PIK3R3: variants seen among roughly 807,000 people sequenced by gnomAD.
The protein encoded by PIK3R3 is phosphatidylinositol 3-kinase regulatory subunit gamma.
Under a neutral mutation model 62.9 loss-of-function variants are expected in PIK3R3, and 64 were observed. The ratio of observed to expected loss-of-function variants is 1.02; its 90% confidence interval spans 0.83 to 1.25. The LOEUF (loss-of-function observed/expected upper bound fraction) is 1.25. Ranked by LOEUF, PIK3R3 falls within the 50% of genes most tolerant of loss-of-function variation. The probability of loss-of-function intolerance (pLI) is 0.00; values close to 1 mark genes in which losing one functional copy is unlikely to be tolerated. For synonymous variants in PIK3R3, 165 were observed against 189.0 expected (o/e 0.87, Z 1.04); for missense variants, 614 against 561.6 (o/e 1.09, Z -0.94).
chr1:46,052,094 C>A (rs931309640), intron 7 of PIK3R3, among the ~76,000 whole-genome samples: 1 of 151,658 alleles, frequency 6.6e-6, no homozygotes, highest in African/African-American at 2.4e-5. Context: ...GCTGAGATCG[C>A]GCCACTGCAC....
chr1:46,164,483 T>C, the PIK3R3 span, among the ~76,000 whole-genome samples: 1 of 152,140 alleles, frequency 6.6e-6, no homozygotes, highest in African/African-American at 2.4e-5. Context: ...GCTTATCTCC[T>C]GCTTCTGCTG....
At chr1:46,051,946 G>T (rs936229566) in intron 7 of PIK3R3, among the ~76,000 whole-genome samples, 1 of 152,010 alleles carries the variant, frequency 6.6e-6, no homozygotes, top group Non-Finnish European at 1.5e-5. Context: ...GACCATCCTG[G>T]CTAACACAGT....
At chr1:46,106,603 T>C (rs1333337010) in intron 1 of PIK3R3, among the ~76,000 whole-genome samples, 2 of 152,214 alleles carry the variant, frequency 1.3e-5, no homozygotes, top group Non-Finnish European at 1.5e-5. Flanking sequence ...AGATACATTA[T>C]ATTTACACTT....
chr1:46,158,725 G>A, the PIK3R3 span, among the ~76,000 whole-genome samples: 4 of 152,304 alleles, frequency 2.6e-5, no homozygotes, highest in African/African-American at 9.6e-5. Flanking sequence ...CTGGGATGGA[G>A]GGAGAATCAC....
the PIK3R3 span, among the ~76,000 whole-genome samples, chr1:46,146,147 T>C: frequency 2.0e-5 from 3 of 152,206 alleles, no homozygotes; most frequent in Non-Finnish European, 4.4e-5. Flanking sequence ...TTCTGTTACT[T>C]GCAGCCCAAG....
At chr1:46,095,771 T>A (rs1652066537) in intron 1 of PIK3R3, among the ~76,000 whole-genome samples, 2 of 152,218 alleles carry the variant, frequency 1.3e-5, no homozygotes, top group South Asian at 4.1e-4. Context: ...TCCCTCTATA[T>A]CTCTTTCCAA....
intron 1 of PIK3R3, among the ~76,000 whole-genome samples, chr1:46,083,832 G>A (rs1215746035): frequency 1.3e-5 from 2 of 152,156 alleles, no homozygotes; most frequent in Non-Finnish European, 2.9e-5. Context: ...ACTGCTGGTG[G>A]GAATGTAAAA....
the PIK3R3 span, among the ~76,000 whole-genome samples, chr1:46,148,097 A>G: frequency 6.6e-6 from 1 of 152,168 alleles, no homozygotes; most frequent in Non-Finnish European, 1.5e-5. Flanking sequence ...CAGTGTTAAT[A>G]ATGGAGGTCT....
rs758443865 is a variant in PIK3R3, at chr1:46,043,727, G to A, written c.1332C>T (p.Leu444=). The A allele has an allele frequency of 1.2e-6, 2 of 1,614,106 alleles. No individual in the cohort carries two copies. Among genetic ancestry groups the A allele is most frequent in the Non-Finnish European group, 1.7e-6 (2 of 1,180,042 alleles). Residue 444 remains leucine, a synonymous_variant, in exon 10 of 10, where the codon CTC becomes CTT. Transcript: ENST00000262741. The part of the protein sequence containing the change: ...QTSLVQHNDS[L]NVRLAYPVHA... ...GAACAGGGTAGGCAAGCCTGACGTT[G>A]AGGGAGTCGTTGTGCTGAACCAAGG...
chr1:46,080,780 A>G, intron 1 of PIK3R3, 30 bp from the exon 2 acceptor site: 1 of 1,410,660 alleles, frequency 7.1e-7, no homozygotes, highest in Non-Finnish European at 1.0e-6. Flanking sequence ...TACTCTGTAG[A>G]TGTAAATTAT....
At chr1:46,068,492 T>C (rs1380921875) in intron 3 of PIK3R3, among the ~76,000 whole-genome samples, 1 of 152,030 alleles carries the variant, frequency 6.6e-6, no homozygotes, top group Non-Finnish European at 1.5e-5. Flanking sequence ...CAACTAAATA[T>C]ACCAAATAGT....
At chr1:46,080,030 C>T (rs1033626556) in intron 2 of PIK3R3, among the ~76,000 whole-genome samples, 2 of 150,944 alleles carry the variant, frequency 1.3e-5, no homozygotes, top group African/African-American at 2.4e-5. Context: ...TGAAGCGTTC[C>T]CATGCAAAAT....
intron 1 of PIK3R3, among the ~76,000 whole-genome samples, chr1:46,117,587 A>G (rs1654295798): frequency 6.6e-6 from 1 of 152,142 alleles, no homozygotes; most frequent in South Asian, 2.1e-4. Flanking sequence ...ACACTTCAAA[A>G]AAGAGAAAAA....
chr1:46,124,074 G>C (rs1333767584), intron 1 of PIK3R3, among the ~76,000 whole-genome samples: 1 of 152,168 alleles, frequency 6.6e-6, no homozygotes, highest in Non-Finnish European at 1.5e-5. Flanking sequence ...GGGCAAAATA[G>C]CTCAAAGGTT....
At chr1:46,045,897 A>C in intron 9 of PIK3R3, 21 bp downstream of exon 9, 3 of 1,594,928 alleles carry the variant, frequency 1.9e-6, no homozygotes, top group Non-Finnish European at 2.6e-6. Context: ...TCAAAAGGTT[A>C]TATCCCCAGA....
At chr1:46,169,898 C>G in the PIK3R3 span, among the ~76,000 whole-genome samples, 1 of 152,124 alleles carries the variant, frequency 6.6e-6, no homozygotes, top group Admixed American at 6.5e-5. Flanking sequence ...GGACAAGGGT[C>G]CCCATACAAA....
chr1:46,086,313 A>G (rs894424931), intron 1 of PIK3R3, among the ~76,000 whole-genome samples: 3 of 152,184 alleles, frequency 2.0e-5, no homozygotes, highest in Admixed American at 1.3e-4. Context: ...AAATGGTGCC[A>G]GGTGCAGTGG....
At chr1:46,086,587 C>A (rs1651076035) in intron 1 of PIK3R3, among the ~76,000 whole-genome samples, 1 of 152,154 alleles carries the variant, frequency 6.6e-6, no homozygotes, top group Non-Finnish European at 1.5e-5. Flanking sequence ...GTAATCCCAG[C>A]TACTCGGAAG....
chr1:46,124,352 T>C (rs934567179), intron 1 of PIK3R3, among the ~76,000 whole-genome samples: 2 of 152,166 alleles, frequency 1.3e-5, no homozygotes, highest in African/African-American at 2.4e-5. Flanking sequence ...GCCTGTGTTC[T>C]TTCTACTACA....
Sources: allele counts gnomAD v4.1 joint callset (sites outside exome capture counted in the v4.1 genomes callset), GRCh38; gene constraint gnomAD v4.1.1; transcripts MANE v1.5; gene names NCBI Gene and HGNC (gene_info 2026-07-23, HGNC 2026-07-21).